Variants in METTL21A observed in about 807,000 individuals in gnomAD.
The protein encoded by METTL21A is protein N-lysine methyltransferase METTL21A.
Under a neutral mutation model 20.9 loss-of-function variants are expected in METTL21A, and 22 were observed. The observed-to-expected ratio is 1.05, with a 90% CI of 0.75 to 1.50. The LOEUF (loss-of-function observed/expected upper bound fraction) is 1.50, where lower values mean the gene tolerates loss of function less well. Among genes scored for constraint, METTL21A ranks in the 40% most tolerant of loss-of-function variants. METTL21A has a pLI of 0.00. For missense variants in METTL21A, 271 were observed against 266.8 expected (o/e 1.02, Z -0.11); for synonymous variants, 93 against 102.0 (o/e 0.91, Z 0.53).
chr2:207,613,081 C>T (rs1336954438), exon 4 of METTL21A: 10 of 1,584,536 alleles, frequency 6.3e-6, no homozygotes, highest in Admixed American at 1.9e-5. Context: ...TTCTGTGCTT[C>T]GTAAATATGT....
chr2:207,607,074 G>T (rs1411342500), downstream of METTL21A, among the ~76,000 whole-genome samples: 3 of 152,060 alleles, frequency 2.0e-5, no homozygotes, highest in Admixed American at 1.3e-4. Flanking sequence ...TTTGAACAGG[G>T]TACCATGTTA....
intron 3 of METTL21A, among the ~76,000 whole-genome samples, chr2:207,583,605 T>C (rs1486861167): frequency 1.3e-5 from 2 of 152,194 alleles, no homozygotes; most frequent in African/African-American, 4.8e-5. Flanking sequence ...TTATATCATA[T>C]GATTGTAGTA....
intron 3 of METTL21A, among the ~76,000 whole-genome samples, chr2:207,588,695 C>G (rs1428779423): frequency 1.8e-4 from 26 of 142,214 alleles, no homozygotes; most frequent in Non-Finnish European, 4.5e-5. Context: ...ACATATCTTA[C>G]TGGATTTATA....
At chr2:207,615,896 T>C (rs1198557503) in intron 3 of METTL21A, among the ~76,000 whole-genome samples, 1 of 151,788 alleles carries the variant, frequency 6.6e-6, no homozygotes, top group Non-Finnish European at 1.5e-5. Flanking sequence ...ATAGCCAATG[T>C]CTCTCTTCTA....
At chr2:207,614,992 T>A (rs1432026407) in intron 3 of METTL21A, among the ~76,000 whole-genome samples, 5 of 152,234 alleles carry the variant, frequency 3.3e-5, no homozygotes, top group African/African-American at 9.6e-5. Context: ...CAGTGTTTCT[T>A]ATCTTGACAC....
chr2:207,624,098 T>C (rs1244647501), intron 2 of METTL21A, 131 bp downstream of exon 2: 3 of 1,088,682 alleles, frequency 2.8e-6, no homozygotes, highest in Non-Finnish European at 3.9e-6. Flanking sequence ...CGCACTGAAT[T>C]GTGCACTTTA....
At chr2:207,619,195 T>G (rs369931842) in intron 3 of METTL21A, among the ~76,000 whole-genome samples, 6 of 151,654 alleles carry the variant, frequency 4.0e-5, no homozygotes, top group African/African-American at 1.5e-4. Context: ...TTTTTTAATC[T>G]TCTTTCTTTA....
At chr2:207,616,913 C>T (rs2551945) in intron 3 of METTL21A, among the ~76,000 whole-genome samples, 128,486 of 152,194 alleles carry the variant, frequency 0.84, 54,422 homozygotes, top group East Asian at 1. Flanking sequence ...GAGGCACAGA[C>T]CAGGGACAGT....
At chr2:207,604,298 T>G (rs2087670796), downstream of METTL21A, among the ~76,000 whole-genome samples, 1 of 152,218 alleles carries the variant, frequency 6.6e-6, no homozygotes, top group African/African-American at 2.4e-5. Flanking sequence ...AACATATGTC[T>G]TTTACACTCA....
At chr2:207,595,436 CTTTT>C (rs2085956704) in intron 3 of METTL21A, among the ~76,000 whole-genome samples, 1 of 150,090 alleles carries the variant, frequency 6.7e-6, no homozygotes, top group Non-Finnish European at 1.5e-5. Flanking sequence ...TTTTCCCTTT[CTTTT>C]GAGACAGCAT....
chr2:207,600,711 T>TGAA (rs1322348701), intron 3 of METTL21A: 1 of 211,846 alleles, frequency 4.7e-6, no homozygotes, highest in Non-Finnish European at 9.6e-6. Context: ...TGCTAGTCTC[T>TGAA]GAAAGCACAA....
At chr2:207,584,131 G>C (rs555984915) in intron 3 of METTL21A, among the ~76,000 whole-genome samples, 1 of 152,106 alleles carries the variant, frequency 6.6e-6, no homozygotes, top group Non-Finnish European at 1.5e-5. Flanking sequence ...ACACATAAAG[G>C]TTTTTATATG....
At chr2:207,615,712 AAAG>A (rs993846184) in intron 3 of METTL21A, 4 of 152,126 alleles carry the variant, frequency 2.6e-5, no homozygotes, top group African/African-American at 9.7e-5. Context: ...AAAAAAAAGA[AAAG>A]AAAAGAAAAG....
downstream of METTL21A, chr2:207,609,717 G>C (rs564700649): frequency 6.6e-6 from 1 of 152,196 alleles, no homozygotes; most frequent in South Asian, 2.1e-4. Flanking sequence ...ATTTGAGCAA[G>C]GGTAAAACAG....
chr2:207,620,729 T>C, intron 3 of METTL21A: 1 of 1,526,578 alleles, frequency 6.6e-7, no homozygotes, highest in Non-Finnish European at 8.7e-7. Flanking sequence ...CTCTGTCAAT[T>C]TACACAGACT....
chr2:207,580,737 A>C (rs2082864307), downstream of METTL21A: 1 of 224,698 alleles, frequency 4.5e-6, no homozygotes, highest in South Asian at 1.8e-4. Flanking sequence ...CTACAGTAAC[A>C]ACCACGAATC....
chr2:207,592,070 T>G (rs538041360), intron 3 of METTL21A, among the ~76,000 whole-genome samples: 80 of 152,320 alleles, frequency 5.3e-4, no homozygotes, highest in Middle Eastern at 6.8e-3. Context: ...TTGAAAAAGT[T>G]TATTTCATCA....
intron 3 of METTL21A, among the ~76,000 whole-genome samples, chr2:207,618,305 C>A (rs527882999): frequency 6.6e-6 from 1 of 152,280 alleles, no homozygotes; most frequent in East Asian, 1.9e-4. Context: ...CCAAGACCCC[C>A]AGTGGATGCC....
chr2:207,621,086 T>C (rs2090425877), intron 3 of METTL21A, among the ~76,000 whole-genome samples: 1 of 152,202 alleles, frequency 6.6e-6, no homozygotes. Flanking sequence ...TGATAAACAT[T>C]ATACATTGTA....
Sources: allele counts gnomAD v4.1 joint callset (sites outside exome capture counted in the v4.1 genomes callset), GRCh38; gene constraint gnomAD v4.1.1; transcripts MANE v1.5; gene names NCBI Gene and HGNC (gene_info 2026-07-23, HGNC 2026-07-21).